Variants in DHX36 observed in about 807,000 individuals in gnomAD.
DHX36 encodes ATP-dependent DNA/RNA helicase DHX36.
In DHX36, 50 loss-of-function variants were observed where a neutral mutation model predicts 139.0. The observed-to-expected ratio is 0.36, with a 90% CI of 0.29 to 0.46. DHX36 has a LOEUF of 0.46. Among genes scored for constraint, DHX36 ranks in the 20% least tolerant of loss-of-function variants. The probability of loss-of-function intolerance (pLI) is 1.00; values close to 1 mark genes in which losing one functional copy is unlikely to be tolerated. For synonymous variants in DHX36, 425 were observed against 401.9 expected, an observed-to-expected ratio of 1.06 and a Z score of -0.69; for missense variants, 1,024 against 1,211.3, an observed-to-expected ratio of 0.85 and a Z score of 2.29.
Position 154,284,949 on chromosome 3 carries a change from T to G in DHX36, c.2070A>C (p.Gly690=), listed in dbSNP as rs1279691036. The change falls in exon 18 of 25, where the codon GGA becomes GGC. Residue 690 remains glycine (G), a synonymous_variant. Coordinates refer to ENST00000496811, the MANE Select transcript of DHX36 (RefSeq NM_020865.3). ...LDKQEELTPL[G]VHLARLPVEP... The stretch of plus-strand genomic sequence containing the variant: ...CAACGGGTAATCGTGCCAAGTGGAC[T>G]CCAAGAGGTGTCAATTCTTCTTGTT... 6.2e-7 allele frequency: 1 copy of G among 1,614,064 alleles called. No homozygotes were observed. The highest frequency in any genetic ancestry group is 8.5e-7 in the Non-Finnish European group (1 of 1,180,028).
At chr3:154,286,813 CTAT>C (rs1711565477) in intron 17 of DHX36, among the ~76,000 whole-genome samples, 1 of 151,964 alleles carries the variant, frequency 6.6e-6, no homozygotes, top group Non-Finnish European at 1.5e-5. Flanking sequence ...AAAAAATTTA[CTAT>C]TATTATTTTT....
chr3:154,287,054 A>C (rs1711570710), intron 17 of DHX36, among the ~76,000 whole-genome samples: 1 of 152,174 alleles, frequency 6.6e-6, no homozygotes, highest in African/African-American at 2.4e-5. Flanking sequence ...TCAGGAGAGA[A>C]ATACAGGCCA....
At chr3:154,294,853 T>C (rs139396149) in intron 13 of DHX36, among the ~76,000 whole-genome samples, 2 of 152,336 alleles carry the variant, frequency 1.3e-5, no homozygotes, top group East Asian at 3.9e-4. Context: ...CAAACATTCA[T>C]AATACATTAT....
intron 4 of DHX36, 69 bp from the exon 5 acceptor site, chr3:154,309,892 T>G: frequency 1.6e-6 from 2 of 1,227,388 alleles, no homozygotes; most frequent in Non-Finnish European, 2.3e-6. Flanking sequence ...TAATCAAAAT[T>G]CGACCAAACT....
chr3:154,294,525 C>T (rs1711953123), intron 13 of DHX36, among the ~76,000 whole-genome samples: 2 of 152,182 alleles, frequency 1.3e-5, no homozygotes, highest in African/African-American at 4.8e-5. Flanking sequence ...AAGATGAATA[C>T]TTCCATGCTG....
At chr3:154,316,257 A>ATGTATT in intron 1 of DHX36, 94 bp from the exon 2 acceptor site, 2 of 1,484,660 alleles carry the variant, frequency 1.3e-6, no homozygotes, top group Non-Finnish European at 9.2e-7. Flanking sequence ...TAAGTAATAT[A>ATGTATT]TGTTCAACAA....
At chr3:154,303,212 C>T in intron 9 of DHX36, 117 bp downstream of exon 9, 1 of 736,830 alleles carries the variant, frequency 1.4e-6, no homozygotes, top group Non-Finnish European at 2.2e-6. Context: ...GGCTAATTCC[C>T]AGAAAAATGT....
intron 1 of DHX36, 72 bp downstream of exon 1, chr3:154,324,102 A>G: frequency 3.4e-6 from 5 of 1,474,576 alleles, no homozygotes; most frequent in Non-Finnish European, 4.6e-6. Context: ...CAAAACCAAG[A>G]AAAAGGGGGC....
intron 20 of DHX36, 53 bp downstream of exon 20, chr3:154,283,135 T>C (rs1559945441): frequency 1.0e-5 from 14 of 1,355,178 alleles, no homozygotes; most frequent in South Asian, 1.2e-5. Flanking sequence ...AATGGATGTA[T>C]ATATTCTCTA....
intron 3 of DHX36, among the ~76,000 whole-genome samples, chr3:154,314,251 T>C (rs1317655168): frequency 6.6e-6 from 1 of 152,212 alleles, no homozygotes; most frequent in East Asian, 1.9e-4. Context: ...CCTCAGCTTA[T>C]CTATTCTAAT....
At chr3:154,311,463 T>C (rs1408267050) in intron 4 of DHX36, among the ~76,000 whole-genome samples, 173 bp downstream of exon 4, 1 of 152,086 alleles carries the variant, frequency 6.6e-6, no homozygotes. Flanking sequence ...AGGAAAATTG[T>C]TTATGAACCT....
chr3:154,303,468 T>C, intron 8 of DHX36, 58 bp from the exon 9 acceptor site: 1 of 1,246,994 alleles, frequency 8.0e-7, no homozygotes, highest in African/African-American at 1.5e-5. Flanking sequence ...AAAACATTAA[T>C]ATACTGTAAA....
At chr3:154,320,063 T>C (rs1001633419) in intron 1 of DHX36, among the ~76,000 whole-genome samples, 5 of 152,204 alleles carry the variant, frequency 3.3e-5, no homozygotes, top group African/African-American at 9.7e-5. Context: ...TCAACGACCT[T>C]GTTGATAAAT....
Position 154,289,155 on chromosome 3 carries a change from C to T in DHX36, c.1933-191G>A, listed in dbSNP as rs149202715. On this transcript the variant is annotated intron_variant, in intron 16 of 24. Transcript: ENST00000496811. ...GTTTAAAGTCCTATATATATTACTA[C>T]TTTCTACCATCAACTCTATTAATAG... is the stretch of plus-strand genomic sequence containing the variant. Among the ~76,000 whole-genome samples, 4 of 152,184 alleles carry T rather than the reference C, an allele frequency of 2.6e-5. No homozygotes were observed. In the East Asian group the frequency reaches 7.7e-4, roughly 29 times the overall value.
intron 17 of DHX36, among the ~76,000 whole-genome samples, chr3:154,286,952 G>A (rs1394699601): frequency 1.3e-5 from 2 of 152,018 alleles, no homozygotes; most frequent in Admixed American, 6.5e-5. Flanking sequence ...GAGTCAAGAC[G>A]TTTTTGAAGA....
At chr3:154,297,175 T>C (rs1392997287) in intron 12 of DHX36, among the ~76,000 whole-genome samples, 1 of 152,190 alleles carries the variant, frequency 6.6e-6, no homozygotes, top group Non-Finnish European at 1.5e-5. Flanking sequence ...ACACTTTCTA[T>C]AGTTTGAACA....
intron 15 of DHX36, among the ~76,000 whole-genome samples, chr3:154,291,633 G>A (rs2108343689): frequency 6.6e-6 from 1 of 152,310 alleles, no homozygotes; most frequent in Admixed American, 6.5e-5. Flanking sequence ...AAAGATTACA[G>A]CAAGTCAGTC....
intron 9 of DHX36, 44 bp downstream of exon 9, chr3:154,303,285 T>C (rs780739899): frequency 4.4e-6 from 6 of 1,351,612 alleles, no homozygotes; most frequent in African/African-American, 4.4e-5. Flanking sequence ...AAAAGTGATA[T>C]ATTAGTACTT....
At chr3:154,276,561 T>G (rs1166304383) in intron 24 of DHX36, 186 bp downstream of exon 24, 1 of 785,416 alleles carries the variant, frequency 1.3e-6, no homozygotes, top group African/African-American at 1.7e-5. Context: ...CACTGAGCCA[T>G]TTAGAATGGC....
Sources: gnomAD v4.1 joint callset for allele counts (sites outside exome capture counted in the v4.1 genomes callset) on GRCh38, gnomAD v4.1.1 for gene constraint, MANE v1.5 for transcripts, NCBI Gene and HGNC (gene_info 2026-07-23, HGNC 2026-07-21) for gene names.